NLGN4Y: variants seen among roughly 807,000 people sequenced by gnomAD.
The protein encoded by NLGN4Y is neuroligin 4 Y-linked.
Under a neutral mutation model 8.4 loss-of-function variants are expected in NLGN4Y, and 4 were observed. That is an observed-to-expected ratio of 0.48 (90% CI 0.23 to 1.09). NLGN4Y has a LOEUF of 1.09. Among genes scored for constraint, NLGN4Y ranks in the 50% least tolerant of loss-of-function variants. The probability of loss-of-function intolerance (pLI) is 0.19; values close to 1 mark genes in which losing one functional copy is unlikely to be tolerated. For synonymous variants in NLGN4Y, 35 were observed against 75.6 expected (o/e 0.46, Z 2.78); for missense variants, 90 against 192.3 (o/e 0.47, Z 3.15).
At chrY:14,751,119 A>T (rs2081039812) in intron 4 of NLGN4Y, among the ~76,000 whole-genome samples, 1 of 33,446 alleles carries the variant, frequency 3.0e-5, no homozygotes, top group East Asian at 7.9e-4. Context: ...TCATTCCACT[A>T]CTTTTAATTG....
At chrY:14,711,505 T>C (rs2080899127) in intron 2 of NLGN4Y, among the ~76,000 whole-genome samples, 1 of 31,956 alleles carries the variant, frequency 3.1e-5, no homozygotes, top group Non-Finnish European at 7.6e-5. Context: ...TTATGTGCCC[T>C]AGAGCTGAGG....
At chrY:14,788,855 C>T in intron 4 of NLGN4Y, among the ~76,000 whole-genome samples, 1 of 33,201 alleles carries the variant, frequency 3.0e-5, no homozygotes, top group Non-Finnish European at 7.4e-5. Context: ...CTCCTTACAA[C>T]TGGGTTTGAG....
rs2080131061 is a variant in NLGN4Y at position 14,535,930 on chromosome Y, GATTTATTTGATATCAGTTAATA to G, written c.-112+11224_-112+11245del. On this transcript the variant is annotated intron_variant, in intron 1 of 6. Transcript: ENST00000684976. ...TTTTACCAGTAAAATAACTTTCTAG[GATTTATTTGATATCAGTTAATA>G]AGCCTACCTTAAATGAATAACCAGA... Among the ~76,000 whole-genome samples, 5 of 33,265 alleles carry G rather than the reference GATTTATTTGATATCAGTTAATA, an allele frequency of 1.5e-4. No individual in the cohort carries two copies. In the South Asian group the frequency reaches 3.3e-3, roughly 22 times the overall value. The allele number at this position is 33,265 out of a possible 37,273, so 89.2% of individuals were successfully genotyped here. A position where few individuals can be genotyped will look rare whatever the true frequency, so the allele number is the denominator to read the frequency against.
intron 2 of NLGN4Y, among the ~76,000 whole-genome samples, chrY:14,625,128 G>T: frequency 3.0e-5 from 1 of 33,582 alleles, no homozygotes; most frequent in East Asian, 7.8e-4. Context: ...GATGAGAAGT[G>T]TTGGACATTT....
intron 4 of NLGN4Y, among the ~76,000 whole-genome samples, chrY:14,815,340 A>G: frequency 3.0e-5 from 1 of 32,912 alleles, no homozygotes; most frequent in South Asian, 7.0e-4. Flanking sequence ...GAAGGCTTTC[A>G]TTAGTGGTGG....
chrY:14,741,312 C>T, intron 4 of NLGN4Y, among the ~76,000 whole-genome samples: 5 of 33,708 alleles, frequency 1.5e-4, no homozygotes, highest in African/African-American at 5.8e-4. Context: ...TCAGAACCAA[C>T]TGTGACTGAT....
chrY:14,678,855 T>G (rs2080758817), intron 2 of NLGN4Y, among the ~76,000 whole-genome samples: 2 of 33,285 alleles, frequency 6.0e-5, no homozygotes, highest in Admixed American at 2.8e-4. Context: ...TTAAATTCCA[T>G]GTTTCTGCTT....
chrY:14,563,613 A>T, intron 1 of NLGN4Y, among the ~76,000 whole-genome samples: 1 of 33,461 alleles, frequency 3.0e-5, no homozygotes, highest in African/African-American at 1.2e-4. Context: ...TTCCAAAGGA[A>T]TGGCACCAGC....
intron 1 of NLGN4Y, among the ~76,000 whole-genome samples, chrY:14,549,674 G>A (rs754390893): frequency 1.3e-3 from 42 of 33,052 alleles, no homozygotes; most frequent in African/African-American, 4.6e-3. Flanking sequence ...CAGTTTCCTC[G>A]TTCTGCAGAA....
intron 4 of NLGN4Y, among the ~76,000 whole-genome samples, chrY:14,789,368 G>A: frequency 3.1e-5 from 1 of 32,528 alleles, no homozygotes; most frequent in African/African-American, 1.2e-4. Context: ...TGTACCCACC[G>A]CAAATAATTT....
At chrY:14,586,456 G>A in intron 1 of NLGN4Y, among the ~76,000 whole-genome samples, 1 of 33,488 alleles carries the variant, frequency 3.0e-5, no homozygotes, top group Non-Finnish European at 7.4e-5. Flanking sequence ...ACTGGAAAAC[G>A]TTCTGAAGAA....
chrY:14,531,861 A>C, intron 1 of NLGN4Y, among the ~76,000 whole-genome samples: 1 of 31,505 alleles, frequency 3.2e-5, no homozygotes, highest in Non-Finnish European at 7.6e-5. Flanking sequence ...CATACAAACT[A>C]TATATGTAGT....
intron 4 of NLGN4Y, among the ~76,000 whole-genome samples, chrY:14,792,318 C>T (rs530275458): frequency 1.2e-4 from 4 of 33,113 alleles, no homozygotes; most frequent in Non-Finnish European, 2.2e-4. Flanking sequence ...ACTTCAGTCA[C>T]GCTGGAAGTC....
intron 1 of NLGN4Y, among the ~76,000 whole-genome samples, chrY:14,556,411 A>T: frequency 3.4e-4 from 11 of 32,588 alleles, no homozygotes; most frequent in Non-Finnish European, 8.2e-4. Context: ...ATTGGTGTCA[A>T]CCACTCTACC....
At chrY:14,574,789 G>T in intron 1 of NLGN4Y, among the ~76,000 whole-genome samples, 1 of 33,370 alleles carries the variant, frequency 3.0e-5, no homozygotes. Context: ...AGGCCTGGTG[G>T]TGACAAAATC....
chrY:14,831,761 AT>A (rs2043180679), intron 6 of NLGN4Y, among the ~76,000 whole-genome samples: 1 of 31,732 alleles, frequency 3.2e-5, no homozygotes, highest in Non-Finnish European at 7.5e-5. Context: ...GCAAAGAAAA[AT>A]ATATGATATT....
At chrY:14,730,807 C>T (rs2080968914) in intron 4 of NLGN4Y, among the ~76,000 whole-genome samples, 1 of 33,019 alleles carries the variant, frequency 3.0e-5, no homozygotes, top group South Asian at 6.8e-4. Context: ...ATATAAACTA[C>T]GGTATATATA....
chrY:14,562,162 G>T, intron 1 of NLGN4Y, among the ~76,000 whole-genome samples: 1 of 33,481 alleles, frequency 3.0e-5, no homozygotes. Context: ...GTCCTGAATG[G>T]TATTGCCCAG....
intron 2 of NLGN4Y, among the ~76,000 whole-genome samples, chrY:14,650,068 G>T: frequency 3.0e-5 from 1 of 33,467 alleles, no homozygotes; most frequent in African/African-American, 1.2e-4. Context: ...TTACATTCGT[G>T]TAAATAGATA....
Sources: allele counts gnomAD v4.1 joint callset (sites outside exome capture counted in the v4.1 genomes callset), GRCh38; gene constraint gnomAD v4.1.1; transcripts MANE v1.5; gene names NCBI Gene and HGNC (gene_info 2026-07-23, HGNC 2026-07-21).